The following GRAMD1B variants were observed in gnomAD, a reference collection of about 807,000 sequenced individuals.
GRAMD1B encodes the protein protein Aster-B.
In GRAMD1B, 37 loss-of-function variants were observed where a neutral mutation model predicts 99.7. That is an observed-to-expected ratio of 0.37 (90% CI 0.29 to 0.49). The LOEUF is 0.49. Ranked by LOEUF, GRAMD1B falls within the 20% of genes least tolerant of loss-of-function variation. The pLI is 0.98. For synonymous variants in GRAMD1B, 427 were observed against 387.6 expected, an observed-to-expected ratio of 1.10 and a Z score of -1.19; for missense variants, 888 against 1,009.2, an observed-to-expected ratio of 0.88 and a Z score of 1.63.
intron 2 of GRAMD1B, among the ~76,000 whole-genome samples, chr11:123,503,123 A>G (rs948697642): frequency 6.6e-6 from 1 of 152,206 alleles, no homozygotes; most frequent in Non-Finnish European, 1.5e-5. Context: ...CCTTGGTGTG[A>G]TAGGCTGTGA....
intron 1 of GRAMD1B, among the ~76,000 whole-genome samples, chr11:123,466,779 T>C (rs900724835): frequency 1.3e-5 from 2 of 152,222 alleles, no homozygotes; most frequent in East Asian, 1.9e-4. Context: ...AGCAACTTGG[T>C]TGACCACATT....
At chr11:123,491,577 T>G in intron 2 of GRAMD1B, 6 of 265,590 alleles carry the variant, frequency 2.3e-5, no homozygotes, top group Admixed American at 5.4e-5. Context: ...CTCTGCCAGA[T>G]GTTGAAAGAT....
At chr11:123,513,598 C>CT (rs1304210221) in intron 2 of GRAMD1B, among the ~76,000 whole-genome samples, 260 of 95,172 alleles carry the variant, frequency 2.7e-3, no homozygotes, top group African/African-American at 0.011. Context: ...TCCTTCCTTC[C>CT]TTCCTTCCTT....
At chr11:123,608,541 A>G (rs1953057987) in intron 11 of GRAMD1B, 118 bp from the exon 12 acceptor site, 7 of 1,545,180 alleles carry the variant, frequency 4.5e-6, no homozygotes, top group Non-Finnish European at 6.1e-6. Flanking sequence ...TGTCCTCTCC[A>G]TACCCTTGTT....
At chr11:123,530,624 A>T (rs1222442591) in intron 2 of GRAMD1B, among the ~76,000 whole-genome samples, 2 of 152,070 alleles carry the variant, frequency 1.3e-5, no homozygotes, top group African/African-American at 4.8e-5. Context: ...CAGGTGATCC[A>T]CCTGCCTTGG....
intron 1 of GRAMD1B, among the ~76,000 whole-genome samples, chr11:123,469,757 CCT>C (rs1950901515): frequency 4.2e-5 from 5 of 117,660 alleles, no homozygotes; most frequent in African/African-American, 1.1e-4. Flanking sequence ...TTCTTTCTTT[CCT>C]TCTTTCTTTC....
intron 1 of GRAMD1B, among the ~76,000 whole-genome samples, chr11:123,369,644 G>A (rs147680596): frequency 2.2e-4 from 34 of 152,260 alleles, no homozygotes; most frequent in African/African-American, 8.2e-4. Flanking sequence ...GGCCGAGGTG[G>A]GTGGATTGCT....
intron 1 of GRAMD1B, among the ~76,000 whole-genome samples, chr11:123,370,589 C>G (rs1946493944): frequency 1.3e-5 from 2 of 152,058 alleles, no homozygotes; most frequent in African/African-American, 4.8e-5. Flanking sequence ...ATTCGTCCAC[C>G]TCAGCCTCCG....
chr11:123,466,303 A>G (rs970623448), intron 1 of GRAMD1B, among the ~76,000 whole-genome samples: 3 of 143,430 alleles, frequency 2.1e-5, no homozygotes, highest in African/African-American at 7.9e-5. Context: ...AGAAAGAAAG[A>G]GAGAGAGAGA....
chr11:123,388,706 C>T (rs111629615), intron 1 of GRAMD1B, among the ~76,000 whole-genome samples: 1 of 151,434 alleles, frequency 6.6e-6, no homozygotes, highest in African/African-American at 2.4e-5. Context: ...AACAAACAAA[C>T]AAACAAACAA....
intron 6 of GRAMD1B, among the ~76,000 whole-genome samples, chr11:123,595,488 T>A (rs1439781716): frequency 2.0e-5 from 3 of 152,040 alleles, no homozygotes; most frequent in Non-Finnish European, 4.4e-5. Flanking sequence ...GAGACGGGGT[T>A]TCTCCATGTT....
Position 123,510,983 on chromosome 11 carries a change from A to C in GRAMD1B, c.452+30090A>C, listed in dbSNP as rs1235039084. On this transcript the variant is annotated intron_variant, in intron 2 of 19. Coordinates refer to ENST00000635736, the MANE Select transcript of GRAMD1B (RefSeq NM_001387025.1). This position sits in a 1 kb window ranked among gnomAD's most constrained non-coding sequence, Gnocchi z 4.3. ...GGAGGTATCTGTAGCTTTCATCTGC[A>C]CTCACTTATATGTCCGTTGTTTTCT... Among the ~76,000 whole-genome samples, 1 of 151,616 alleles carries C rather than the reference A, an allele frequency of 6.6e-6. No homozygotes were observed. The highest frequency in any genetic ancestry group is 1.5e-5 in the Non-Finnish European group (1 of 67,902).
chr11:123,481,748 A>G (rs1396361806), intron 2 of GRAMD1B, among the ~76,000 whole-genome samples: 1 of 152,216 alleles, frequency 6.6e-6, no homozygotes, highest in African/African-American at 2.4e-5. Flanking sequence ...TGCTTCATGC[A>G]GTGCCTGTGA....
At chr11:123,575,158 T>C (rs1948584572) in intron 2 of GRAMD1B, among the ~76,000 whole-genome samples, 1 of 152,162 alleles carries the variant, frequency 6.6e-6, no homozygotes, top group South Asian at 2.1e-4. Flanking sequence ...TGGTTTTGGA[T>C]AGTTGGAGTC....
intron 1 of GRAMD1B, among the ~76,000 whole-genome samples, chr11:123,446,413 G>A (rs1309943685): frequency 6.6e-6 from 1 of 152,008 alleles, no homozygotes; most frequent in Non-Finnish European, 1.5e-5. Context: ...TGATCCACCC[G>A]CCTTGCCCTC....
intron 2 of GRAMD1B, among the ~76,000 whole-genome samples, chr11:123,533,428 T>G (rs1053013612): frequency 4.6e-5 from 7 of 152,008 alleles, no homozygotes; most frequent in African/African-American, 1.7e-4. Context: ...TTTATTTTTA[T>G]TTTATTTTAT....
chr11:123,391,482 A>C (rs961288287), intron 1 of GRAMD1B, among the ~76,000 whole-genome samples: 1 of 152,218 alleles, frequency 6.6e-6, no homozygotes, highest in South Asian at 2.1e-4. Context: ...TGAGAGAGAG[A>C]GTCTCGTTCT....
rs373699394 is a variant in GRAMD1B at position 123,608,677 on chromosome 11, A to T, written c.1532A>T (p.Tyr511Phe). The stretch of plus-strand genomic sequence containing the variant: ...TGTGCAGGAGAGGTCCAGGCCTTCT[A>T]TGAGGACCTGAGTGGCCGGCAGTAC... Reference protein sequence around the residue: ...THDEGEVQAFYEDLSGRQYVN... With the variant: ...THDEGEVQAFFEDLSGRQYVN... Residue 511 changes from tyrosine to phenylalanine, a missense_variant, in exon 12 of 20, where the codon TAT becomes TTT. Tyr to Phe is a conservative substitution (Grantham distance 22). Transcript: ENST00000635736. The T allele has an allele frequency of 1.3e-6, 2 of 1,575,398 alleles. No individual in the cohort carries two copies. The highest frequency in any genetic ancestry group is 2.3e-5 in the South Asian group (2 of 85,568).
intron 1 of GRAMD1B, among the ~76,000 whole-genome samples, chr11:123,398,163 C>G (rs1242709120): frequency 6.6e-6 from 1 of 152,122 alleles, no homozygotes. Context: ...TTCCAAAGTG[C>G]TTTATCTTAG....
Sources: gnomAD v4.1 joint callset for allele counts (sites outside exome capture counted in the v4.1 genomes callset) on GRCh38, gnomAD v4.1.1 for gene constraint, Gnocchi (gnomAD v3.1) non-coding constraint, MANE v1.5 for transcripts, NCBI Gene and HGNC (gene_info 2026-07-23, HGNC 2026-07-21) for gene names.